The following KCNIP4 variants were observed in gnomAD, a reference collection of about 807,000 sequenced individuals.
The protein encoded by KCNIP4 is Kv channel-interacting protein 4.
A neutral mutation model predicts 34.0 loss-of-function variants in KCNIP4; 12 were observed. That is an observed-to-expected ratio of 0.35 (90% CI 0.23 to 0.57). The LOEUF (loss-of-function observed/expected upper bound fraction) is 0.57. Ranked by LOEUF, KCNIP4 falls within the 20% of genes least tolerant of loss-of-function variation. The pLI is 0.83. For missense variants in KCNIP4, 238 were observed against 311.7 expected (o/e 0.76, Z 1.78); for synonymous variants, 124 against 102.2 (o/e 1.21, Z -1.29).
chr4:21,060,620 T>C (rs1341924140), intron 1 of KCNIP4, among the ~76,000 whole-genome samples: 1 of 152,166 alleles, frequency 6.6e-6, no homozygotes, highest in Non-Finnish European at 1.5e-5. Context: ...AGGAGTCATG[T>C]GACTGATTTC....
intron 1 of KCNIP4, among the ~76,000 whole-genome samples, chr4:21,916,244 G>A (rs770037533): frequency 1.2e-4 from 18 of 152,294 alleles, no homozygotes; most frequent in Non-Finnish European, 2.2e-4. Flanking sequence ...CCTGTGTGAC[G>A]TAGAATTTAG....
intron 1 of KCNIP4, among the ~76,000 whole-genome samples, chr4:21,242,926 T>G (rs190823749): frequency 0.021 from 3,162 of 151,576 alleles, 53 homozygotes; most frequent in Non-Finnish European, 0.03. Context: ...GTATTGCTTT[T>G]TTCCTCTGGA....
At chr4:21,321,287 C>A (rs1714385850) in intron 1 of KCNIP4, among the ~76,000 whole-genome samples, 1 of 151,868 alleles carries the variant, frequency 6.6e-6, no homozygotes, top group Middle Eastern at 3.2e-3. Context: ...AAGACAAAGA[C>A]AAATTAAAAA....
intron 1 of KCNIP4, among the ~76,000 whole-genome samples, chr4:21,662,643 T>C (rs1748539324): frequency 6.6e-6 from 1 of 152,232 alleles, no homozygotes; most frequent in African/African-American, 2.4e-5. Context: ...TGTTTCTATA[T>C]AAAAATGATT....
intron 3 of KCNIP4, among the ~76,000 whole-genome samples, chr4:20,759,312 AC>A: frequency 6.6e-6 from 1 of 152,254 alleles, no homozygotes; most frequent in South Asian, 2.1e-4. Context: ...TGGCAGAATT[AC>A]TCTATTGGCA....
intron 1 of KCNIP4, among the ~76,000 whole-genome samples, chr4:21,524,210 C>G (rs1735782153): frequency 7.2e-6 from 1 of 138,930 alleles, no homozygotes; most frequent in Non-Finnish European, 1.5e-5. Context: ...CCTTTCTTTG[C>G]TCCAGCCCTT....
At chr4:21,923,518 T>C (rs1346274171) in intron 1 of KCNIP4, among the ~76,000 whole-genome samples, 2 of 152,102 alleles carry the variant, frequency 1.3e-5, no homozygotes, top group African/African-American at 4.8e-5. Context: ...GAGGTAGAGA[T>C]TGAAGTGAGC....
Position 20,795,521 on chromosome 4 carries a change from T to C in KCNIP4, c.289-36631A>G, listed in dbSNP as rs1036117226. Among the ~76,000 whole-genome samples the C allele has an allele frequency of 2.6e-5, 4 of 152,194 alleles. No individual in the cohort carries two copies. In the East Asian group the frequency reaches 5.8e-4, roughly 22 times the overall value. Reference sequence around the variant, plus strand: ...AGTAATGCAGTCTTTCTCTGAATCATAGTTAGTATTCTTGACCCAGTGACT... The same window carrying C: ...AGTAATGCAGTCTTTCTCTGAATCACAGTTAGTATTCTTGACCCAGTGACT... On this transcript the variant is annotated intron_variant, in intron 3 of 8. Coordinates refer to ENST00000382152, the MANE Select transcript of KCNIP4 (RefSeq NM_025221.6).
chr4:21,720,978 A>C (rs981870049), intron 1 of KCNIP4, among the ~76,000 whole-genome samples: 8 of 152,136 alleles, frequency 5.3e-5, no homozygotes, highest in Non-Finnish European at 7.4e-5. Flanking sequence ...CAGTAAACAT[A>C]CATGTGCATG....
At chr4:21,021,361 G>A (rs1208086247) in intron 1 of KCNIP4, among the ~76,000 whole-genome samples, 2 of 152,094 alleles carry the variant, frequency 1.3e-5, no homozygotes, top group Non-Finnish European at 2.9e-5. Context: ...AATAAACATT[G>A]TACACAGAGG....
intron 1 of KCNIP4, among the ~76,000 whole-genome samples, chr4:21,459,957 C>T (rs1031132101): frequency 1.4e-4 from 21 of 151,728 alleles, no homozygotes; most frequent in Non-Finnish European, 3.1e-4. Context: ...TTGTAATCTC[C>T]TCTCTACACA....
intron 3 of KCNIP4, among the ~76,000 whole-genome samples, chr4:20,779,968 T>G (rs1182083779): frequency 6.6e-6 from 1 of 152,180 alleles, no homozygotes; most frequent in Non-Finnish European, 1.5e-5. Context: ...GAGAGTAAAT[T>G]TTTGTTGTTT....
intron 5 of KCNIP4, among the ~76,000 whole-genome samples, chr4:20,736,239 C>CT (rs573198675): frequency 5.0e-4 from 76 of 152,114 alleles, no homozygotes; most frequent in African/African-American, 1.8e-3. Flanking sequence ...GACTTCTATA[C>CT]TTTTTTTTCC....
chr4:21,703,073 A>T (rs1712987499), intron 1 of KCNIP4, among the ~76,000 whole-genome samples: 1 of 152,068 alleles, frequency 6.6e-6, no homozygotes, highest in Non-Finnish European at 1.5e-5. Flanking sequence ...TTAAAAAAAA[A>T]TCCAAGAAAT....
intron 1 of KCNIP4, among the ~76,000 whole-genome samples, chr4:21,105,068 G>A (rs187296819): frequency 2.0e-5 from 3 of 151,730 alleles, no homozygotes; most frequent in Admixed American, 2.0e-4. Context: ...GGATTGACTT[G>A]GCAATGTGGT....
At chr4:21,203,286 G>A (rs1362277965) in intron 1 of KCNIP4, among the ~76,000 whole-genome samples, 4 of 152,162 alleles carry the variant, frequency 2.6e-5, no homozygotes, top group Non-Finnish European at 5.9e-5. Flanking sequence ...AGAGTGAACC[G>A]CTCAAAGTCA....
chr4:20,809,245 T>G (rs1053611112), intron 3 of KCNIP4, among the ~76,000 whole-genome samples: 1 of 152,198 alleles, frequency 6.6e-6, no homozygotes, highest in African/African-American at 2.4e-5. Flanking sequence ...GCCAGGAAAT[T>G]TTTTAAAGAA....
chr4:21,602,735 G>A (rs531109662), intron 1 of KCNIP4, among the ~76,000 whole-genome samples: 3 of 152,138 alleles, frequency 2.0e-5, no homozygotes, highest in African/African-American at 7.2e-5. Context: ...TTTGATTTAC[G>A]TATGCCTGTA....
chr4:21,156,186 T>C (rs1007881904), intron 1 of KCNIP4, among the ~76,000 whole-genome samples: 1 of 152,198 alleles, frequency 6.6e-6, no homozygotes, highest in Non-Finnish European at 1.5e-5. Context: ...TCCTATTAGA[T>C]GGCAGCTGTA....
Sources: allele counts gnomAD v4.1 joint callset (sites outside exome capture counted in the v4.1 genomes callset), GRCh38; gene constraint gnomAD v4.1.1; transcripts MANE v1.5; gene names NCBI Gene and HGNC (gene_info 2026-07-23, HGNC 2026-07-21).